Variants in KIAA1549 observed in about 807,000 individuals in gnomAD.
KIAA1549 encodes KIAA1549, also known as UPF0606 protein KIAA1549.
A neutral mutation model predicts 156.4 loss-of-function variants in KIAA1549; 70 were observed. The observed-to-expected ratio is 0.45, with a 90% confidence interval of 0.37 to 0.55. KIAA1549 has a LOEUF of 0.55. KIAA1549 is among the 20% of genes least tolerant of loss of function. The pLI is 0.00. For synonymous variants in KIAA1549, 1,103 were observed against 1,066.4 expected (o/e 1.03, Z -0.67); for missense variants, 2,428 against 2,540.9 (o/e 0.96, Z 0.96).
intron 19 of KIAA1549, among the ~76,000 whole-genome samples, chr7:138,839,136 C>G (rs1809833544): frequency 6.6e-6 from 1 of 152,164 alleles, no homozygotes; most frequent in Non-Finnish European, 1.5e-5. Flanking sequence ...AACAATGTCT[C>G]TTTTAGGGAA....
chr7:138,898,116 G>T (rs1016204640), intron 9 of KIAA1549, among the ~76,000 whole-genome samples: 1 of 151,238 alleles, frequency 6.6e-6, no homozygotes, highest in Admixed American at 6.6e-5. Flanking sequence ...AGACCATCCG[G>T]GCCAACATGG....
intron 10 of KIAA1549, among the ~76,000 whole-genome samples, chr7:138,892,671 C>T (rs966382292): frequency 6.6e-6 from 1 of 152,168 alleles, no homozygotes; most frequent in Admixed American, 6.5e-5. Context: ...TTAATAAATA[C>T]TTTGCATTTT....
chr7:138,847,296 T>C (rs1810106833), intron 17 of KIAA1549, among the ~76,000 whole-genome samples: 1 of 152,220 alleles, frequency 6.6e-6, no homozygotes, highest in Non-Finnish European at 1.5e-5. Context: ...GGACCAGTCA[T>C]GGTCCCCCAT....
intron 13 of KIAA1549, among the ~76,000 whole-genome samples, chr7:138,870,827 T>C: frequency 6.6e-6 from 1 of 152,168 alleles, no homozygotes; most frequent in East Asian, 1.9e-4. Context: ...TTGTTTTTGT[T>C]TTTGTTTTGA....
rs559899581 is a variant in KIAA1549, at chr7:138,835,370, T to G, written c.*2536A>C. The G allele has an allele frequency of 7.0e-5, 15 of 213,826 alleles. No homozygotes were observed. The highest frequency in any genetic ancestry group is 1.7e-4 in the Admixed American group (3 of 17,156). 13.2% of individuals were successfully genotyped at this position (213,826 alleles called of 1,614,324 possible). A position where few individuals can be genotyped will look rare whatever the true frequency, so the allele number is the denominator to read the frequency against. The stretch of plus-strand genomic sequence containing the variant: ...ACCGGCTGTTTATTATACATCATCT[T>G]TGGTCTTGACATCTGTTTAAAGGTG... On this transcript the variant is annotated 3_prime_UTR_variant, in exon 20 of 20. Coordinates refer to ENST00000422774, the MANE Select transcript of KIAA1549 (RefSeq NM_001164665.2).
At chr7:138,980,353 T>C (rs1004508588) in intron 1 of KIAA1549, among the ~76,000 whole-genome samples, 1 of 152,242 alleles carries the variant, frequency 6.6e-6, no homozygotes, top group African/African-American at 2.4e-5. Flanking sequence ...AAAACCCTTA[T>C]GCTTCTTCAT....
chr7:138,864,485 G>T (rs1272747189), intron 15 of KIAA1549, among the ~76,000 whole-genome samples: 1 of 152,138 alleles, frequency 6.6e-6, no homozygotes, highest in East Asian at 1.9e-4. Context: ...GAGACTATCA[G>T]AACTTGCAGG....
intron 17 of KIAA1549, among the ~76,000 whole-genome samples, chr7:138,847,448 A>C (rs1271023819): frequency 6.6e-6 from 1 of 152,224 alleles, no homozygotes; most frequent in Non-Finnish European, 1.5e-5. Context: ...GGTTTAAAAA[A>C]TAGAAAAATA....
chr7:138,906,306 T>C (rs1258493432), intron 6 of KIAA1549, among the ~76,000 whole-genome samples: 1 of 152,206 alleles, frequency 6.6e-6, no homozygotes, highest in Admixed American at 6.5e-5. Context: ...GGGTGAACCT[T>C]AATGTAAACT....
At chr7:138,931,173 T>A (rs1231840229) in intron 1 of KIAA1549, among the ~76,000 whole-genome samples, 1 of 152,112 alleles carries the variant, frequency 6.6e-6, no homozygotes, top group Non-Finnish European at 1.5e-5. Flanking sequence ...AATAGTGACA[T>A]CAAAGGTGAC....
At chr7:138,942,406 C>T (rs1417330283) in intron 1 of KIAA1549, among the ~76,000 whole-genome samples, 1 of 151,236 alleles carries the variant, frequency 6.6e-6, no homozygotes, top group Non-Finnish European at 1.5e-5. Flanking sequence ...AATAATATCT[C>T]GGATGCTGAA....
chr7:138,907,832 C>A (rs1812049978), intron 5 of KIAA1549, among the ~76,000 whole-genome samples: 1 of 152,112 alleles, frequency 6.6e-6, no homozygotes, highest in Non-Finnish European at 1.5e-5. Flanking sequence ...TAAGATAACT[C>A]CTGTGCACAC....
chr7:138,981,146 G>A lies in KIAA1549; in HGVS notation c.124C>T (p.Pro42Ser), dbSNP rs1265398746. The change falls in exon 1 of 20, where the codon CCG (proline) becomes TCG (serine). Residue 42 changes from proline to serine, a missense_variant. Around this residue, in one of 5 missense-constraint regions of KIAA1549, gnomAD observed 893 missense variants for 847.9 expected, o/e 1.05. Transcript: ENST00000422774. This position sits in a 1 kb window ranked among gnomAD's most constrained non-coding sequence, Gnocchi z 4.5. The stretch of plus-strand genomic sequence containing the variant: ...CAGAGGCCAGGAAGCAGCAGCCCCG[G>A]GCGGCGGCGGCGGGCGCAGCGGGCG... ...PSARCARRRR[P>S]GLLLPGLWLL... The A allele has an allele frequency of 8.7e-7, 1 of 1,151,932 alleles. No homozygotes were observed. The highest frequency in any genetic ancestry group is 1.1e-6 in the Non-Finnish European group (1 of 930,086). The allele number at this position is 1,151,932 out of a possible 1,614,324, so 71.4% of individuals were successfully genotyped here. A position where few individuals can be genotyped will look rare whatever the true frequency, so the allele number is the denominator to read the frequency against.
At chr7:138,945,936 A>C (rs1563088893) in intron 1 of KIAA1549, among the ~76,000 whole-genome samples, 1 of 152,116 alleles carries the variant, frequency 6.6e-6, no homozygotes, top group Non-Finnish European at 1.5e-5. Context: ...AACAAAATAG[A>C]ATGTCCACAA....
At chr7:138,866,638 T>G (rs905513007) in intron 15 of KIAA1549, among the ~76,000 whole-genome samples, 7 of 152,230 alleles carry the variant, frequency 4.6e-5, no homozygotes, top group Non-Finnish European at 5.9e-5. Flanking sequence ...TCGCCCTCTC[T>G]GTCTTCGGGT....
intron 10 of KIAA1549, among the ~76,000 whole-genome samples, chr7:138,884,431 T>A (rs1198441517): frequency 1.3e-5 from 2 of 152,136 alleles, no homozygotes; most frequent in Non-Finnish European, 2.9e-5. Context: ...GGGACACGCA[T>A]CATTACAGCC....
intron 1 of KIAA1549, among the ~76,000 whole-genome samples, chr7:138,936,785 G>A (rs79580057): frequency 0.018 from 2,623 of 147,560 alleles, 85 homozygotes; most frequent in African/African-American, 0.063. Context: ...CCAAGGGAAG[G>A]TATGCTAAGA....
chr7:138,857,389 A>G (rs945142724), intron 16 of KIAA1549, among the ~76,000 whole-genome samples: 2 of 152,264 alleles, frequency 1.3e-5, no homozygotes, highest in African/African-American at 4.8e-5. Context: ...TGGGTCTATT[A>G]TAAATAAATC....
chr7:138,943,726 G>A (rs1813257119), intron 1 of KIAA1549, among the ~76,000 whole-genome samples: 1 of 152,024 alleles, frequency 6.6e-6, no homozygotes, highest in South Asian at 2.1e-4. Context: ...GCGGGCACCT[G>A]TAGTCCCAGC....
Sources: gnomAD v4.1 joint callset for allele counts (sites outside exome capture counted in the v4.1 genomes callset) on GRCh38, gnomAD v4.1.1 for gene constraint, gnomAD v4.1.1 regional missense constraint, Gnocchi (gnomAD v3.1) non-coding constraint, MANE v1.5 for transcripts, NCBI Gene and HGNC (gene_info 2026-07-23, HGNC 2026-07-21) for gene names.